FAAP100: variants seen among roughly 807,000 people sequenced by gnomAD.
The protein encoded by FAAP100 is Fanconi anemia core complex-associated protein 100.
A neutral mutation model predicts 65.8 loss-of-function variants in FAAP100; 46 were observed. The ratio of observed to expected loss-of-function variants is 0.70; its 90% confidence interval spans 0.55 to 0.89. The LOEUF is 0.89. Ranked by LOEUF, FAAP100 falls within the 40% of genes least tolerant of loss-of-function variation. The pLI is 0.00. For missense variants in FAAP100, 1,165 were observed against 1,196.7 expected (o/e 0.97, Z 0.39); for synonymous variants, 663 against 555.1 (o/e 1.19, Z -2.73).
rs1340055454 is a variant in FAAP100, at chr17:81,551,152, G to A, written c.342C>T (p.Pro114=). ...AGGCATCGGGGTCCACAGGGATCAC[G>A]GGGGAAGGCTGGTCACCGTCCTCGC... ...RDSEDGDQPS[P]VIPVDPDACI... The change falls in exon 3 of 9, where the codon CCC becomes CCT. Residue 114 remains proline, a synonymous_variant. Coordinates refer to ENST00000327787, the MANE Select transcript of FAAP100 (RefSeq NM_025161.6). 9.1e-6 allele frequency: 14 copies of A among 1,544,992 alleles called. No homozygotes were observed. Among genetic ancestry groups the A allele is most frequent in the Admixed American group, 3.9e-5 (2 of 50,800 alleles).
chr17:81,542,124 G>A (rs542340444), intron 7 of FAAP100, among the ~76,000 whole-genome samples: 2,771 of 125,696 alleles, frequency 0.022, 38 homozygotes, highest in Non-Finnish European at 0.031. Flanking sequence ...CCGAGATCCC[G>A]CCACTGCACT....
At chr17:81,547,982 G>C (rs2033370850) in intron 4 of FAAP100, 1 of 702,880 alleles carries the variant, frequency 1.4e-6, no homozygotes, top group Admixed American at 2.0e-5. Flanking sequence ...CCAGGTATGA[G>C]AAGCGCACCA....
At chr17:81,549,503 G>T in intron 3 of FAAP100, 141 bp from the exon 4 acceptor site, 1 of 1,123,170 alleles carries the variant, frequency 8.9e-7, no homozygotes, top group Non-Finnish European at 1.2e-6. Flanking sequence ...AAAGTCCCAA[G>T]GCAAATGCAC....
rs776453939 is a variant in FAAP100, at chr17:81,545,904, AG to A, written c.2174-23del. On this transcript the variant is annotated intron_variant, in intron 5 of 8. Coordinates refer to ENST00000327787, the MANE Select transcript of FAAP100 (RefSeq NM_025161.6). ...ACGCCTGGAGGGGAGGCATCAGCCG[AG>A]AGCTCAGCCTGATCCTACCAGGTGG... The A allele has an allele frequency of 2.5e-6, 4 of 1,596,806 alleles. No individual in the cohort carries two copies. In the East Asian group the frequency reaches 8.9e-5, roughly 36 times the overall value.
chr17:81,542,214 T>A (rs1289358358), intron 7 of FAAP100, among the ~76,000 whole-genome samples: 5 of 75,124 alleles, frequency 6.7e-5, no homozygotes, highest in Non-Finnish European at 9.7e-5. Flanking sequence ...TATATATATA[T>A]ATATATATAT....
intron 3 of FAAP100, 21 bp from the exon 4 acceptor site, chr17:81,549,383 G>T (rs758686389): frequency 6.3e-7 from 1 of 1,589,930 alleles, no homozygotes; most frequent in Non-Finnish European, 8.6e-7. Context: ...ACACACATGG[G>T]GCCTGGTCAG....
intron 6 of FAAP100, among the ~76,000 whole-genome samples, chr17:81,545,291 G>C (rs777601484): frequency 1.6e-4 from 24 of 152,256 alleles, no homozygotes; most frequent in Non-Finnish European, 2.9e-4. Flanking sequence ...ACTTGAGAGT[G>C]TGCTGGAGGC....
Position 81,550,855 on chromosome 17 carries a change from C to T in FAAP100, c.639G>A (p.Gly213=), listed in dbSNP as rs1229614379. The change falls in exon 3 of 9, where the codon GGG becomes GGA. Residue 213 remains glycine (G), a synonymous_variant. Coordinates refer to ENST00000327787, the MANE Select transcript of FAAP100 (RefSeq NM_025161.6). The part of the protein sequence containing the change: ...SGSRVPHDLL[G]GSGGFTLEDA... ...CCTCCAGCGTGAAGCCCCCGGAGCC[C>T]CCGAGGAGGTCGTGCGGGACCCTGG... 6.2e-7 allele frequency: 1 copy of T among 1,612,146 alleles called. No individual in the cohort carries two copies. The highest frequency in any genetic ancestry group is 8.5e-7 in the Non-Finnish European group (1 of 1,179,650).
Position 81,544,073 on chromosome 17 carries a change from C to G in FAAP100, c.2358G>C (p.Glu786Asp). The G allele has an allele frequency of 6.2e-7, 1 of 1,612,702 alleles. No individual in the cohort carries two copies. The highest frequency in any genetic ancestry group is 8.5e-7 in the Non-Finnish European group (1 of 1,179,836). ...CCAGAGAGGAGCTTTCCACTTGAAT[C>G]TCCACGGCCTGGATGGGCCCTGCTG... is the stretch of plus-strand genomic sequence containing the variant. ...LCPAGPIQAV[E>D]IQVESSSLAD... Residue 786 changes from glutamate to aspartate, a missense_variant, in exon 7 of 9, where the codon GAG becomes GAC. Coordinates refer to ENST00000327787, the MANE Select transcript of FAAP100 (RefSeq NM_025161.6).
chr17:81,551,967 C>A lies in FAAP100; in HGVS notation c.251G>T (p.Gly84Val). The change falls in exon 2 of 9, where the codon GGC becomes GTC. Residue 84 changes from glycine (G) to valine (V), a missense_variant. Coordinates refer to ENST00000327787, the MANE Select transcript of FAAP100 (RefSeq NM_025161.6). ...GTGGTCCAGCGACAGGCAGTAGAGG[C>A]CCCTCCGGGCGCACAGCGCGTACAG... Reference protein sequence around the residue: ...RLLYALCARRGLYCLSLDHPG... With the variant: ...RLLYALCARRVLYCLSLDHPG... 6.4e-7 allele frequency: 1 copy of A among 1,563,946 alleles called. No homozygotes were observed. Among genetic ancestry groups the A allele is most frequent in the South Asian group, 1.2e-5 (1 of 85,838 alleles).
Position 81,547,235 on chromosome 17 carries a change from G to T in FAAP100, c.1847C>A (p.Pro616His), listed in dbSNP as rs2033339196. The change falls in exon 5 of 9, where the codon CCC (proline) becomes CAC (histidine). Residue 616 changes from proline (P) to histidine (H), a missense_variant. Transcript: ENST00000327787. ...LREVVGGALA[P>H]SDSEDPFLDE... ...CAGAAAGGGGTCCTCAGAGTCTGAG[G>T]GGGCAAGGGCCCCGCCCACCACCTC... 6.3e-7 allele frequency: 1 copy of T among 1,583,912 alleles called. No homozygotes were observed. Among genetic ancestry groups the T allele is most frequent in the South Asian group, 1.1e-5 (1 of 86,992 alleles).
intron 2 of FAAP100, 146 bp from the exon 3 acceptor site, chr17:81,551,349 T>A: frequency 1.3e-6 from 1 of 755,046 alleles, no homozygotes; most frequent in South Asian, 2.3e-5. Context: ...CCACATGGCC[T>A]CCCACCTTCC....
chr17:81,547,120 G>A lies in FAAP100; in HGVS notation c.1962C>T (p.Arg654=), dbSNP rs761151546. Residue 654 remains arginine (R), a synonymous_variant, in exon 5 of 9, where the codon CGC becomes CGT. Coordinates refer to ENST00000327787, the MANE Select transcript of FAAP100 (RefSeq NM_025161.6). The part of the protein sequence containing the change: ...RHTVDMLQCL[R]FPGLAPPHTR... Reference sequence around the variant, plus strand: ...TGTGTGGCGGGGCCAGGCCAGGGAAGCGCAGACACTGCAGCATGTCCACTG... The same window carrying A: ...TGTGTGGCGGGGCCAGGCCAGGGAAACGCAGACACTGCAGCATGTCCACTG... 6.5e-6 allele frequency: 10 copies of A among 1,529,160 alleles called. No individual in the cohort carries two copies. Among genetic ancestry groups the A allele is most frequent in the East Asian group, 4.5e-5 (2 of 44,076 alleles). The allele number at this position is 1,529,160 out of a possible 1,614,324, so 94.7% of individuals were successfully genotyped here.
chr17:81,552,087 G>A (rs772715691), intron 1 of FAAP100, 35 bp from the exon 2 acceptor site: 9 of 1,451,332 alleles, frequency 6.2e-6, no homozygotes, highest in Non-Finnish European at 8.1e-6. Flanking sequence ...CCGACGCGAC[G>A]CGCGGGCCCG....
rs1568089636 is a variant in FAAP100, at chr17:81,541,360, G to GCTGGAGCC, written c.2455_2462dup (p.Ser821ArgfsTer127). 1 of 1,611,646 alleles carries GCTGGAGCC rather than the reference G, an allele frequency of 6.2e-7. No homozygotes were observed. The highest frequency in any genetic ancestry group is 8.5e-7 in the Non-Finnish European group (1 of 1,179,726). ...GGTACTGCACACGGAGATCAGGAGC[G>GCTGGAGCC]CTGGAGCCCTGGGTGGCCTGCTCTG... is the stretch of plus-strand genomic sequence containing the variant. On this transcript the variant is annotated frameshift_variant, in exon 8 of 9. Transcript: ENST00000327787. LOFTEE classifies it high-confidence loss of function.
At chr17:81,545,340 G>A (rs1340550134) in intron 6 of FAAP100, among the ~76,000 whole-genome samples, 1 of 152,214 alleles carries the variant, frequency 6.6e-6, no homozygotes, top group Non-Finnish European at 1.5e-5. Flanking sequence ...TGCACGACAG[G>A]GGCTGGAGAC....
Position 81,549,346 on chromosome 17 carries a change from C to T in FAAP100, c.1263G>A (p.Leu421=). 1 of 1,609,300 alleles carries T rather than the reference C, an allele frequency of 6.2e-7. No homozygotes were observed. The highest frequency in any genetic ancestry group is 1.7e-5 in the Admixed American group (1 of 59,926). Residue 421 remains leucine (L), a synonymous_variant, in exon 4 of 9, where the codon CTG becomes CTA. Coordinates refer to ENST00000327787, the MANE Select transcript of FAAP100 (RefSeq NM_025161.6). ...PRTHEGGTKL[L]ALSAKGRLMT... is the part of the protein sequence containing the mutation. ...TCAGGCGGCCTTTGGCGGACAGGGC[C>T]AGGAGCTTGGTGCCACCTGGTGACA...
intron 8 of FAAP100, 77 bp from the exon 9 acceptor site, chr17:81,541,027 C>T: frequency 6.9e-7 from 1 of 1,451,618 alleles, no homozygotes; most frequent in Admixed American, 2.4e-5. Flanking sequence ...GGGGACCCAC[C>T]ACTCGCAGGA....
intron 5 of FAAP100, 73 bp downstream of exon 5, chr17:81,546,836 A>G (rs928537911): frequency 6.5e-5 from 86 of 1,323,258 alleles, no homozygotes; most frequent in Non-Finnish European, 8.4e-5. Context: ...CCTGGGCAAC[A>G]GAGCAAGTTC....
Sources: allele counts gnomAD v4.1 joint callset (sites outside exome capture counted in the v4.1 genomes callset), GRCh38; gene constraint gnomAD v4.1.1; transcripts MANE v1.5; gene names NCBI Gene and HGNC (gene_info 2026-07-23, HGNC 2026-07-21).